Variants in DNAH9 observed in about 807,000 individuals in gnomAD.
The protein encoded by DNAH9 is DNAH9 variant protein.
DNAH9 carries 345 observed loss-of-function variants against 471.6 expected under a neutral mutation model. The observed-to-expected ratio is 0.73, with a 90% CI of 0.67 to 0.80. The LOEUF is 0.80. Among genes scored for constraint, DNAH9 ranks in the 30% least tolerant of loss-of-function variants. The probability of loss-of-function intolerance (pLI) is 0.00; values close to 1 mark genes in which losing one functional copy is unlikely to be tolerated. For missense variants in DNAH9, 5,407 were observed against 5,609.2 expected (o/e 0.96, Z 1.15); for synonymous variants, 2,093 against 2,123.6 (o/e 0.99, Z 0.40).
chr17:11,725,077 G>C (rs1186967809), intron 27 of DNAH9, among the ~76,000 whole-genome samples: 1 of 152,188 alleles, frequency 6.6e-6, no homozygotes, highest in Non-Finnish European at 1.5e-5. Context: ...GATCTGACAG[G>C]AGACAGAGCT....
At chr17:11,724,726 G>T (rs1319935523) in intron 27 of DNAH9, among the ~76,000 whole-genome samples, 1 of 152,174 alleles carries the variant, frequency 6.6e-6, no homozygotes, top group East Asian at 1.9e-4. Context: ...CAACCTTTTT[G>T]GCATGAGGGA....
intron 67 of DNAH9, among the ~76,000 whole-genome samples, chr17:11,948,266 G>A (rs1416640651): frequency 8.8e-6 from 1 of 113,892 alleles, no homozygotes; most frequent in Non-Finnish European, 1.6e-5. Flanking sequence ...GTCTCACTCT[G>A]TTGCCAGGCT....
In DNAH9 at chr17:11,932,309, T is replaced by G; in HGVS notation, c.12297+104T>G. ...GGGTCTAGGATGGGGCCTGAGAATGTGCATTTCTAACAAGCTCCCTCGTGA... is the reference window on the plus strand; with the variant it reads ...GGGTCTAGGATGGGGCCTGAGAATGGGCATTTCTAACAAGCTCCCTCGTGA... On this transcript the variant is annotated intron_variant, in intron 64 of 68. Coordinates refer to ENST00000262442, the MANE Select transcript of DNAH9 (RefSeq NM_001372.4). This position sits in a 1 kb window ranked among gnomAD's most constrained non-coding sequence, Gnocchi z 4.3. 2.5e-6 allele frequency: 3 copies of G among 1,209,850 alleles called. No individual in the cohort carries two copies. The South Asian group carries it at 4.7e-5, about 19-fold the overall frequency. 74.9% of individuals were successfully genotyped at this position (1,209,850 alleles called of 1,614,324 possible).
At chr17:11,786,042 C>T (rs1056569196) in intron 41 of DNAH9, among the ~76,000 whole-genome samples, 2 of 151,518 alleles carry the variant, frequency 1.3e-5, no homozygotes, top group African/African-American at 4.9e-5. Flanking sequence ...AATATTACTG[C>T]AGCTCTATGA....
intron 48 of DNAH9, among the ~76,000 whole-genome samples, chr17:11,833,885 C>T (rs939811369): frequency 3.3e-5 from 5 of 152,142 alleles, no homozygotes; most frequent in African/African-American, 1.2e-4. Flanking sequence ...AAATCTTTGG[C>T]ACACTCCACA....
At chr17:11,720,399 T>G (rs1254583865) in intron 27 of DNAH9, among the ~76,000 whole-genome samples, 1 of 152,108 alleles carries the variant, frequency 6.6e-6, no homozygotes, top group African/African-American at 2.4e-5. Context: ...CCCTCCCCGC[T>G]TCCCCCACCC....
At chr17:11,842,114 T>G (rs548929225) in intron 49 of DNAH9, among the ~76,000 whole-genome samples, 9 of 152,270 alleles carry the variant, frequency 5.9e-5, no homozygotes, top group African/African-American at 1.9e-4. Flanking sequence ...GATTTTAAAA[T>G]CAAATAATTT....
intron 49 of DNAH9, among the ~76,000 whole-genome samples, chr17:11,843,863 G>GTGTATATATATA (rs1253794533): frequency 5.6e-4 from 26 of 46,464 alleles, no homozygotes; most frequent in African/African-American, 1.9e-3. Context: ...GTGTGTGTGT[G>GTGTATATATATA]TATATATATA....
chr17:11,926,259 T>C (rs1974324812), intron 62 of DNAH9, among the ~76,000 whole-genome samples: 1 of 152,096 alleles, frequency 6.6e-6, no homozygotes, highest in Non-Finnish European at 1.5e-5. Flanking sequence ...TTCTTCAACT[T>C]TTATTTTAAG....
At chr17:11,733,579 C>T (rs540419120) in intron 28 of DNAH9, among the ~76,000 whole-genome samples, 18 of 152,264 alleles carry the variant, frequency 1.2e-4, no homozygotes, top group African/African-American at 4.1e-4. Flanking sequence ...TAGCCAGGTG[C>T]GGTGGCTCAC....
chr17:11,719,635 C>G (rs2075021198), intron 27 of DNAH9, 145 bp downstream of exon 27: 1 of 780,058 alleles, frequency 1.3e-6, no homozygotes. Flanking sequence ...TTTGCTCCTT[C>G]GTGGTAAAGT....
chr17:11,611,683 G>A lies in DNAH9; in HGVS notation c.807G>A (p.Leu269=), dbSNP rs2072640676. 6.2e-7 allele frequency: 1 copy of A among 1,614,020 alleles called. No individual in the cohort carries two copies. The highest frequency in any genetic ancestry group is 1.3e-5 in the African/African-American group (1 of 75,038). The change falls in exon 4 of 69, where the codon CTG becomes CTA. Residue 269 remains leucine, a synonymous_variant. Coordinates refer to ENST00000262442, the MANE Select transcript of DNAH9 (RefSeq NM_001372.4). ...ATCTGAAATACATCTATAATCAACT[G>A]AGAACAATAACGGTGAGGGGCATGG... ...YEDLKYIYNQ[L]RTITVRGMAK...
At chr17:11,698,163 T>C (rs1567728415) in intron 22 of DNAH9, among the ~76,000 whole-genome samples, 1 of 78,238 alleles carries the variant, frequency 1.3e-5, no homozygotes, top group African/African-American at 7.2e-5. Context: ...TATTAATATA[T>C]TATTATATTA....
intron 15 of DNAH9, 146 bp from the exon 16 acceptor site, chr17:11,668,917 TG>T: frequency 1.6e-6 from 1 of 622,852 alleles, no homozygotes; most frequent in African/African-American, 1.8e-5. Context: ...TTGTATGGGA[TG>T]TAAACAAAAT....
chr17:11,743,138 T>A (rs903224525), intron 30 of DNAH9, among the ~76,000 whole-genome samples: 3 of 152,186 alleles, frequency 2.0e-5, no homozygotes, highest in Non-Finnish European at 4.4e-5. Context: ...CTCCGTCAGC[T>A]CTAAGCCCAA....
intron 14 of DNAH9, among the ~76,000 whole-genome samples, chr17:11,654,377 A>AAAAAAAAAAAAAAAAAG (rs2073589403): frequency 7.0e-6 from 1 of 143,166 alleles, no homozygotes; most frequent in Non-Finnish European, 1.5e-5. Flanking sequence ...AAAAAAAAAA[A>AAAAAAAAAAAAAAAAAG]AGTTTAAAAT....
intron 14 of DNAH9, among the ~76,000 whole-genome samples, chr17:11,660,345 CAG>C (rs35656400): frequency 0.3 from 35,314 of 118,944 alleles, 5,722 homozygotes; most frequent in Middle Eastern, 0.47. Context: ...TTTTTTGAGA[CAG>C]AGTCTTGCTC....
At chr17:11,711,895 AATATATATATTTG>A (rs1567739897) in intron 26 of DNAH9, among the ~76,000 whole-genome samples, 406 of 2,518 alleles carry the variant, frequency 0.16, 94 homozygotes, top group Non-Finnish European at 0.62. Context: ...TTTATATATA[AATATATATATTTG>A]TATATATATT....
chr17:11,765,987 C>T (rs1163306569), intron 36 of DNAH9, among the ~76,000 whole-genome samples: 2 of 152,006 alleles, frequency 1.3e-5, no homozygotes, highest in Admixed American at 6.6e-5. Flanking sequence ...TTTAAATCCC[C>T]TCAAGCCTTT....
Sources: allele counts gnomAD v4.1 joint callset (sites outside exome capture counted in the v4.1 genomes callset), GRCh38; gene constraint gnomAD v4.1.1; non-coding constraint Gnocchi (gnomAD v3.1); transcripts MANE v1.5; gene names NCBI Gene and HGNC (gene_info 2026-07-23, HGNC 2026-07-21).